HS3ST4: variants seen among roughly 807,000 people sequenced by gnomAD.
HS3ST4 encodes the protein heparan sulfate glucosamine 3-O-sulfotransferase 4.
A neutral mutation model predicts 29.2 loss-of-function variants in HS3ST4; 17 were observed. That is an observed-to-expected ratio of 0.58 (90% CI 0.40 to 0.87). The LOEUF (loss-of-function observed/expected upper bound fraction) is 0.87. Among genes scored for constraint, HS3ST4 ranks in the 40% least tolerant of loss-of-function variants. The pLI is 0.00. For synonymous variants in HS3ST4, 314 were observed against 285.7 expected, an observed-to-expected ratio of 1.10 and a Z score of -1.00; for missense variants, 627 against 634.5, an observed-to-expected ratio of 0.99 and a Z score of 0.13.
chr16:25,946,777 G>A (rs1247825650), intron 1 of HS3ST4, among the ~76,000 whole-genome samples: 1 of 152,172 alleles, frequency 6.6e-6, no homozygotes, highest in Non-Finnish European at 1.5e-5. Flanking sequence ...AGGCTTCTGG[G>A]AGGAAGTTAC....
At chr16:26,098,393 A>G (rs1898953249) in intron 1 of HS3ST4, among the ~76,000 whole-genome samples, 1 of 152,206 alleles carries the variant, frequency 6.6e-6, no homozygotes, top group Admixed American at 6.5e-5. Context: ...ACCATGGAAT[A>G]CTATGCAGCC....
At chr16:25,844,033 A>G (rs998778619) in intron 1 of HS3ST4, among the ~76,000 whole-genome samples, 1 of 152,208 alleles carries the variant, frequency 6.6e-6, no homozygotes, top group African/African-American at 2.4e-5. Context: ...CAAATGAGTT[A>G]AAGTACTAAT....
intron 1 of HS3ST4, among the ~76,000 whole-genome samples, chr16:26,069,930 C>T (rs1207468464): frequency 2.0e-5 from 3 of 152,052 alleles, no homozygotes; most frequent in African/African-American, 4.8e-5. Context: ...TGCATATGTG[C>T]CACATTTTCT....
intron 1 of HS3ST4, among the ~76,000 whole-genome samples, chr16:25,726,658 G>A (rs1032829298): frequency 6.6e-6 from 1 of 152,096 alleles, no homozygotes; most frequent in African/African-American, 2.4e-5. Context: ...CCTCACATAT[G>A]AAAACCATAT....
At chr16:25,767,577 A>G (rs1157863292) in intron 1 of HS3ST4, among the ~76,000 whole-genome samples, 1 of 152,168 alleles carries the variant, frequency 6.6e-6, no homozygotes, top group Non-Finnish European at 1.5e-5. Flanking sequence ...GATTCAACAA[A>G]ACAGAACAAA....
intron 1 of HS3ST4, among the ~76,000 whole-genome samples, chr16:25,987,237 C>G (rs1027442386): frequency 2.0e-5 from 3 of 152,006 alleles, no homozygotes; most frequent in African/African-American, 4.8e-5. Context: ...GTAATCCCAG[C>G]TACTTGGGAA....
At chr16:25,717,150 G>T (rs1966459943) in intron 1 of HS3ST4, among the ~76,000 whole-genome samples, 1 of 152,142 alleles carries the variant, frequency 6.6e-6, no homozygotes, top group South Asian at 2.1e-4. Context: ...GCTGACCTTA[G>T]ATTTGGCTCC....
At position 26,069,129 on chromosome 16, in the gene HS3ST4, T is replaced by G. The variant is rs143018609; in HGVS notation, c.735-66483T>G. Among the ~76,000 whole-genome samples the G allele has an allele frequency of 2.5e-3, 373 of 152,234 alleles. 4 individuals carry two copies. Among genetic ancestry groups the G allele is most frequent in the African/African-American group, 8.9e-3 (368 of 41,546 alleles). On this transcript the variant is annotated intron_variant, in intron 1 of 1. Coordinates refer to ENST00000331351, the MANE Select transcript of HS3ST4 (RefSeq NM_006040.3). ...ACAATGCCCAGCTAATTTTTGCATT[T>G]TTTGTAGAGACAGAGTTTCGCCATG...
At chr16:25,774,592 A>G (rs1260032650) in intron 1 of HS3ST4, among the ~76,000 whole-genome samples, 7 of 152,206 alleles carry the variant, frequency 4.6e-5, no homozygotes, top group Non-Finnish European at 1.0e-4. Context: ...ACTTATTAAT[A>G]TGTCTATACT....
rs540067718 is a variant in HS3ST4, at chr16:25,889,871, T to G, written c.734+196720T>G. Among the ~76,000 whole-genome samples the G allele has an allele frequency of 3.3e-5, 5 of 151,858 alleles. No individual in the cohort carries two copies. In the East Asian group the frequency reaches 7.8e-4, roughly 24 times the overall value. ...CTGATAGTGAGTAAGTCTCATGAGA[T>G]CTGAAGGTTTTATCAGGGGAATTCC... is the stretch of plus-strand genomic sequence containing the variant. On this transcript the variant is annotated intron_variant, in intron 1 of 1. Transcript: ENST00000331351.
At chr16:26,007,988 C>G (rs941417845) in intron 1 of HS3ST4, among the ~76,000 whole-genome samples, 11 of 152,006 alleles carry the variant, frequency 7.2e-5, no homozygotes, top group South Asian at 4.2e-4. Flanking sequence ...TTATTAAGCA[C>G]CCACTAGGTT....
At chr16:25,755,137 C>T (rs1416682140) in intron 1 of HS3ST4, among the ~76,000 whole-genome samples, 1 of 152,072 alleles carries the variant, frequency 6.6e-6, no homozygotes, top group Non-Finnish European at 1.5e-5. Flanking sequence ...CCCCTCCACC[C>T]ACACATCCAT....
chr16:26,030,762 TC>T (rs1483919716), intron 1 of HS3ST4, among the ~76,000 whole-genome samples: 1 of 152,124 alleles, frequency 6.6e-6, no homozygotes, highest in Admixed American at 6.6e-5. Flanking sequence ...TGGTCTTGGG[TC>T]CTAGAAACCC....
chr16:25,943,684 A>G (rs1449782667), intron 1 of HS3ST4, among the ~76,000 whole-genome samples: 2 of 152,202 alleles, frequency 1.3e-5, no homozygotes, highest in Admixed American at 6.5e-5. Context: ...TAGCTCTGTT[A>G]TCAAATTCTG....
At chr16:25,748,474 G>A (rs780070126) in intron 1 of HS3ST4, among the ~76,000 whole-genome samples, 28 of 152,258 alleles carry the variant, frequency 1.8e-4, no homozygotes, top group Middle Eastern at 3.4e-3. Flanking sequence ...AGCTCAGAGA[G>A]CATCACATAT....
intron 1 of HS3ST4, among the ~76,000 whole-genome samples, chr16:26,049,488 G>C (rs1025977256): frequency 6.6e-6 from 1 of 151,884 alleles, no homozygotes; most frequent in Middle Eastern, 3.4e-3. Flanking sequence ...GTGTGTGTGT[G>C]TGTGTGTATG....
At chr16:26,016,633 T>A (rs1168126046) in intron 1 of HS3ST4, among the ~76,000 whole-genome samples, 1 of 152,182 alleles carries the variant, frequency 6.6e-6, no homozygotes, top group Non-Finnish European at 1.5e-5. Context: ...TTACCATCTG[T>A]TTATGGCAGG....
Position 26,135,853 on chromosome 16 carries a change from G to C in HS3ST4, c.976G>C (p.Ala326Pro). ...FKNRTLGLID[A>P]SWSAIRIGIY... is the part of the protein sequence containing the mutation. ...AAACCGGACCCTCGGGCTGATCGAT[G>C]CTTCCTGGAGTGCCATTCGAATAGG... The change falls in exon 2 of 2, where the codon GCT (alanine) becomes CCT (proline). Residue 326 changes from alanine to proline, a missense_variant. Around this residue, in one of 2 missense-constraint regions of HS3ST4, gnomAD observed 225 missense variants for 293.7 expected, o/e 0.77. Transcript: ENST00000331351. 1 of 1,613,990 alleles carries C rather than the reference G, an allele frequency of 6.2e-7. No homozygotes were observed. Among genetic ancestry groups the C allele is most frequent in the Non-Finnish European group, 8.5e-7 (1 of 1,179,876 alleles).
chr16:25,969,697 G>A (rs1258605514), intron 1 of HS3ST4, among the ~76,000 whole-genome samples: 1 of 152,206 alleles, frequency 6.6e-6, no homozygotes, highest in Non-Finnish European at 1.5e-5. Flanking sequence ...ATGCATGTAG[G>A]AGGCTGGCAT....
Sources: gnomAD v4.1 joint callset for allele counts (sites outside exome capture counted in the v4.1 genomes callset) on GRCh38, gnomAD v4.1.1 for gene constraint, gnomAD v4.1.1 regional missense constraint, MANE v1.5 for transcripts, NCBI Gene and HGNC (gene_info 2026-07-23, HGNC 2026-07-21) for gene names.